PARD3B: variants seen among roughly 807,000 people sequenced by gnomAD.
PARD3B encodes the protein par-3 family cell polarity regulator beta.
Under a neutral mutation model 130.2 loss-of-function variants are expected in PARD3B, and 103 were observed. The observed-to-expected ratio is 0.79, with a 90% CI of 0.67 to 0.93. The LOEUF (loss-of-function observed/expected upper bound fraction) is 0.93, where lower values mean the gene tolerates loss of function less well. PARD3B is among the 40% of genes least tolerant of loss of function. The probability of loss-of-function intolerance (pLI) is 0.00; values close to 1 mark genes in which losing one functional copy is unlikely to be tolerated. For missense variants in PARD3B, 1,609 were observed against 1,499.2 expected, an observed-to-expected ratio of 1.07 and a Z score of -1.21; for synonymous variants, 583 against 553.2, an observed-to-expected ratio of 1.05 and a Z score of -0.76.
chr2:204,566,846 A>G (rs1174732315), intron 1 of PARD3B, among the ~76,000 whole-genome samples: 7 of 149,564 alleles, frequency 4.7e-5, no homozygotes, highest in Non-Finnish European at 7.4e-5. Context: ...AAAAGTATGT[A>G]TACCTGTGGG....
At chr2:205,412,923 G>A (rs546514057) in intron 19 of PARD3B, among the ~76,000 whole-genome samples, 31 of 152,250 alleles carry the variant, frequency 2.0e-4, no homozygotes, top group African/African-American at 6.7e-4. Context: ...TACAAAATGG[G>A]TATATAACAT....
rs1201306731 is a variant in PARD3B, at chr2:205,446,023, G to A, written c.3044+5351G>A. On this transcript the variant is annotated intron_variant, in intron 20 of 22. Transcript: ENST00000406610. The surrounding 1 kb of genome is among the most constrained non-coding windows in gnomAD (Gnocchi z 4.4). ...ATACAAAGACCTAAACATGCAGTGA[G>A]AACACAGTGTGGAAAGTGCAGCCGA... is the stretch of plus-strand genomic sequence containing the variant. 6.6e-6 allele frequency among the ~76,000 whole-genome samples: 1 copy of A among 152,174 alleles called. No homozygotes were observed. Among genetic ancestry groups the A allele is most frequent in the Non-Finnish European group, 1.5e-5 (1 of 68,040 alleles).
rs2044821143 is a variant in PARD3B at position 205,371,629 on chromosome 2, A to C, written c.2631-29384A>C. Among the ~76,000 whole-genome samples the C allele has an allele frequency of 2.0e-5, 3 of 152,208 alleles. No homozygotes were observed. The South Asian group carries it at 6.2e-4, about 32-fold the overall frequency. On this transcript the variant is annotated intron_variant, in intron 18 of 22. Coordinates refer to ENST00000406610, the MANE Select transcript of PARD3B (RefSeq NM_001302769.2). ...CAGTATTTGGAGTTTCTTCCTTAGA[A>C]GATCCTGGAGATGATATCATCATCT...
In PARD3B at chr2:204,623,730, A is replaced by G. The variant is rs1313530233; in HGVS notation, c.121-62451A>G. ...TAATACAGCAGTATTAACTATTGGC[A>G]TAATGCTCCACAGCAGGTCTCTAGA... On this transcript the variant is annotated intron_variant, in intron 1 of 22. Coordinates refer to ENST00000406610, the MANE Select transcript of PARD3B (RefSeq NM_001302769.2). The surrounding 1 kb of genome is among the most constrained non-coding windows in gnomAD (Gnocchi z 4.5). 6.6e-6 allele frequency among the ~76,000 whole-genome samples: 1 copy of G among 152,174 alleles called. No homozygotes were observed. Among genetic ancestry groups the G allele is most frequent in the South Asian group, 2.1e-4 (1 of 4,832 alleles).
In PARD3B at chr2:205,368,860, C is replaced by A. The variant is rs867188709; in HGVS notation, c.2631-32153C>A. On this transcript the variant is annotated intron_variant, in intron 18 of 22. Coordinates refer to ENST00000406610, the MANE Select transcript of PARD3B (RefSeq NM_001302769.2). The stretch of plus-strand genomic sequence containing the variant: ...CTCAATTCAGGGGAGCTTGGGAAAA[C>A]AAAAAAAAAAAAAACACCCCATAAC... Among the ~76,000 whole-genome samples, 167 of 146,978 alleles carry A rather than the reference C, an allele frequency of 1.1e-3. 1 individual carries two copies. The highest frequency in any genetic ancestry group is 1.1e-3 in the Non-Finnish European group (71 of 66,800).
At chr2:204,554,162 T>C (rs1177014538) in intron 1 of PARD3B, among the ~76,000 whole-genome samples, 2 of 152,188 alleles carry the variant, frequency 1.3e-5, no homozygotes, top group African/African-American at 4.8e-5. Flanking sequence ...TCTTTCCTCC[T>C]CTACGTCTTA....
chr2:205,521,286 A>G (rs1559173475), intron 21 of PARD3B, among the ~76,000 whole-genome samples: 1 of 151,852 alleles, frequency 6.6e-6, no homozygotes, highest in Non-Finnish European at 1.5e-5. Context: ...TTGGCCATGT[A>G]TATTTCTTCT....
intron 2 of PARD3B, among the ~76,000 whole-genome samples, chr2:204,844,695 C>T (rs1263483098): frequency 6.6e-6 from 1 of 152,098 alleles, no homozygotes; most frequent in Non-Finnish European, 1.5e-5. Context: ...AAGCATTGCT[C>T]CAGCTGAGTT....
chr2:204,666,146 G>A (rs1171556942), intron 1 of PARD3B, among the ~76,000 whole-genome samples: 1 of 152,184 alleles, frequency 6.6e-6, no homozygotes, highest in Non-Finnish European at 1.5e-5. Flanking sequence ...AGCATTTTAA[G>A]TTGATGAAGA....
At chr2:204,622,641 T>G (rs2034346834) in intron 1 of PARD3B, among the ~76,000 whole-genome samples, 1 of 151,968 alleles carries the variant, frequency 6.6e-6, no homozygotes, top group South Asian at 2.1e-4. Flanking sequence ...TGATGCATAT[T>G]ATATTTATTA....
intron 2 of PARD3B, among the ~76,000 whole-genome samples, chr2:204,763,299 A>G (rs925306425): frequency 3.3e-5 from 5 of 152,184 alleles, no homozygotes; most frequent in African/African-American, 9.7e-5. Context: ...AAGTTATTAT[A>G]TATAGATTCA....
chr2:204,830,652 T>C (rs2043783457), intron 2 of PARD3B, among the ~76,000 whole-genome samples: 1 of 152,206 alleles, frequency 6.6e-6, no homozygotes, highest in African/African-American at 2.4e-5. Context: ...CAAGTTTGTT[T>C]CCTTCAAAGG....
chr2:204,855,132 A>G (rs1324687098), intron 2 of PARD3B, among the ~76,000 whole-genome samples: 1 of 152,186 alleles, frequency 6.6e-6, no homozygotes, highest in East Asian at 1.9e-4. Flanking sequence ...TCAAAAAATG[A>G]GAACTACTAG....
intron 4 of PARD3B, among the ~76,000 whole-genome samples, chr2:205,052,433 A>C (rs866881557): frequency 4.4e-5 from 1 of 22,552 alleles, no homozygotes; most frequent in Non-Finnish European, 9.4e-5. Context: ...ATATATATAT[A>C]TATATATATA....
chr2:204,625,915 T>A (rs1294925126), intron 1 of PARD3B, among the ~76,000 whole-genome samples: 1 of 152,144 alleles, frequency 6.6e-6, no homozygotes, highest in Non-Finnish European at 1.5e-5. Flanking sequence ...ATGCTTAAAA[T>A]TACAAAATTT....
chr2:205,503,139 C>G (rs566088703), intron 21 of PARD3B, among the ~76,000 whole-genome samples: 2 of 151,856 alleles, frequency 1.3e-5, no homozygotes, highest in South Asian at 4.2e-4. Flanking sequence ...TTAGTGTAGA[C>G]CAGGTGCTGA....
At chr2:204,877,225 C>T (rs1229315879) in intron 2 of PARD3B, among the ~76,000 whole-genome samples, 1 of 152,002 alleles carries the variant, frequency 6.6e-6, no homozygotes, top group Non-Finnish European at 1.5e-5. Context: ...GGAAGGGGAA[C>T]ATCACACACC....
intron 18 of PARD3B, among the ~76,000 whole-genome samples, chr2:205,311,203 T>C (rs985292522): frequency 2.6e-5 from 4 of 152,214 alleles, no homozygotes; most frequent in Non-Finnish European, 5.9e-5. Context: ...GTGATATTGC[T>C]GGAGTATATG....
In PARD3B at chr2:205,177,352, A is replaced by C. The variant is rs151305824; in HGVS notation, c.1924+775A>C. On this transcript the variant is annotated intron_variant, in intron 13 of 22. Transcript: ENST00000406610. ...TCCTAATCAGTAACATTTTATGTAT[A>C]TCTTTCAGGACTTTTTAATGAAAAT... 7.9e-3 allele frequency among the ~76,000 whole-genome samples: 1,202 copies of C among 152,326 alleles called. 23 individuals carry two copies. The highest frequency in any genetic ancestry group is 0.027 in the African/African-American group (1,139 of 41,576).
Sources: allele counts gnomAD v4.1 joint callset (sites outside exome capture counted in the v4.1 genomes callset), GRCh38; gene constraint gnomAD v4.1.1; non-coding constraint Gnocchi (gnomAD v3.1); transcripts MANE v1.5; gene names NCBI Gene and HGNC (gene_info 2026-07-23, HGNC 2026-07-21).